The following AGBL4 variants were observed in gnomAD, a reference collection of about 807,000 sequenced individuals.
The protein encoded by AGBL4 is cytosolic carboxypeptidase 6.
AGBL4 carries 58 observed loss-of-function variants against 66.4 expected under a neutral mutation model. That is an observed-to-expected ratio of 0.87 (90% CI 0.71 to 1.09). AGBL4 has a LOEUF of 1.09. Among genes scored for constraint, AGBL4 ranks in the 50% least tolerant of loss-of-function variants. The pLI is 0.00. For missense variants in AGBL4, 579 were observed against 631.0 expected (o/e 0.92, Z 0.88); for synonymous variants, 234 against 222.9 (o/e 1.05, Z -0.44).
chr1:49,771,942 T>C (rs895678638), intron 2 of AGBL4, among the ~76,000 whole-genome samples: 6 of 152,072 alleles, frequency 3.9e-5, no homozygotes, highest in Non-Finnish European at 7.4e-5. Context: ...CTTTATGTCT[T>C]TTCACTGGAG....
intron 3 of AGBL4, among the ~76,000 whole-genome samples, chr1:49,563,336 C>G (rs555838596): frequency 1.3e-5 from 2 of 152,138 alleles, no homozygotes; most frequent in South Asian, 4.2e-4. Flanking sequence ...CCAGAACTTC[C>G]AACACTATGT....
chr1:49,259,167 G>C (rs1189638814), intron 3 of AGBL4, among the ~76,000 whole-genome samples: 2 of 152,008 alleles, frequency 1.3e-5, no homozygotes, highest in Non-Finnish European at 2.9e-5. Flanking sequence ...CACTAAACAA[G>C]GAAAGGAGCA....
chr1:49,712,186 A>T lies in AGBL4; in HGVS notation c.158-14749T>A, dbSNP rs1647723984. 2.0e-5 allele frequency among the ~76,000 whole-genome samples: 3 copies of T among 151,950 alleles called. No individual in the cohort carries two copies. The South Asian group carries it at 6.2e-4, about 31-fold the overall frequency. ...AATATTAAGGCAAAATATGATAAGG[A>T]TGGTTAGGAATATGGGCTCTGGTTC... On this transcript the variant is annotated intron_variant, in intron 2 of 13. Coordinates refer to ENST00000371839, the MANE Select transcript of AGBL4 (RefSeq NM_032785.4).
intron 6 of AGBL4, among the ~76,000 whole-genome samples, chr1:48,681,240 T>C (rs1646450062): frequency 6.6e-6 from 1 of 152,220 alleles, no homozygotes; most frequent in Non-Finnish European, 1.5e-5. Context: ...CTCAAGGATA[T>C]ATTGTATTTG....
At position 49,735,135 on chromosome 1, in the gene AGBL4, G is replaced by A. The variant is rs137948045; in HGVS notation, c.158-37698C>T. On this transcript the variant is annotated intron_variant, in intron 2 of 13. Transcript: ENST00000371839. Reference sequence around the variant, plus strand: ...AATAATCAGCCCCACAAAAGTCCACGTTCTAATCCCTGAAACTGGTGAATA... The same window carrying A: ...AATAATCAGCCCCACAAAAGTCCACATTCTAATCCCTGAAACTGGTGAATA... Among the ~76,000 whole-genome samples, 9 of 152,094 alleles carry A rather than the reference G, an allele frequency of 5.9e-5. No individual in the cohort carries two copies. The East Asian group carries it at 9.7e-4, about 16-fold the overall frequency.
chr1:49,449,446 T>C (rs1646229623), intron 3 of AGBL4, among the ~76,000 whole-genome samples: 1 of 152,044 alleles, frequency 6.6e-6, no homozygotes, highest in South Asian at 2.1e-4. Context: ...CTAGCTGAAA[T>C]TGGAACATGT....
At chr1:48,975,633 A>G (rs2148958417) in intron 5 of AGBL4, among the ~76,000 whole-genome samples, 1 of 152,278 alleles carries the variant, frequency 6.6e-6, no homozygotes, top group African/African-American at 2.4e-5. Context: ...CCAGGAAGCC[A>G]TAAGATTGAG....
At chr1:48,715,215 C>A (rs935403856) in intron 6 of AGBL4, among the ~76,000 whole-genome samples, 16 of 152,116 alleles carry the variant, frequency 1.1e-4, no homozygotes, top group Non-Finnish European at 1.8e-4. Context: ...GCCTGTAATG[C>A]CACCCCATAC....
At chr1:49,641,100 A>G (rs1232795136) in intron 3 of AGBL4, among the ~76,000 whole-genome samples, 1 of 152,110 alleles carries the variant, frequency 6.6e-6, no homozygotes, top group Non-Finnish European at 1.5e-5. Context: ...CATTACTTTT[A>G]CTTATTCCAT....
chr1:49,909,171 G>T (rs12023972), intron 1 of AGBL4, among the ~76,000 whole-genome samples: 4 of 151,882 alleles, frequency 2.6e-5, no homozygotes, highest in Admixed American at 2.0e-4. Flanking sequence ...TATGCCTTAT[G>T]GGTGTTATAA....
intron 1 of AGBL4, among the ~76,000 whole-genome samples, chr1:50,003,215 A>G (rs948155931): frequency 2.0e-5 from 3 of 152,254 alleles, no homozygotes; most frequent in African/African-American, 7.2e-5. Context: ...ACATGAAATA[A>G]GTATGTTTCA....
At chr1:49,884,379 A>T (rs1647781651) in intron 1 of AGBL4, among the ~76,000 whole-genome samples, 1 of 151,922 alleles carries the variant, frequency 6.6e-6, no homozygotes, top group Admixed American at 6.6e-5. Flanking sequence ...ATTAGTCATC[A>T]TCCTTATCAT....
intron 4 of AGBL4, among the ~76,000 whole-genome samples, chr1:49,175,497 G>A (rs190762525): frequency 3.3e-5 from 5 of 152,076 alleles, no homozygotes; most frequent in Admixed American, 2.6e-4. Context: ...TTGCTGAGGT[G>A]GGTGAAAATC....
chr1:49,518,116 T>C (rs1233138621), intron 3 of AGBL4, among the ~76,000 whole-genome samples: 2 of 152,080 alleles, frequency 1.3e-5, no homozygotes, highest in Non-Finnish European at 2.9e-5. Flanking sequence ...GCCAGACAAC[T>C]GAACAGATAA....
chr1:49,082,456 G>A (rs1415817998), intron 4 of AGBL4, among the ~76,000 whole-genome samples: 1 of 152,162 alleles, frequency 6.6e-6, no homozygotes, highest in Non-Finnish European at 1.5e-5. Context: ...GTGAAGAAGG[G>A]GCAAAGCCAC....
At chr1:48,964,496 T>G (rs967356457) in intron 5 of AGBL4, among the ~76,000 whole-genome samples, 17 of 152,206 alleles carry the variant, frequency 1.1e-4, no homozygotes, top group African/African-American at 3.9e-4. Flanking sequence ...GCCAATGATA[T>G]AAAGGGCCCT....
chr1:49,059,734 G>A (rs958919236), intron 4 of AGBL4, among the ~76,000 whole-genome samples: 12 of 152,198 alleles, frequency 7.9e-5, no homozygotes, highest in Non-Finnish European at 5.9e-5. Context: ...CCCACCTCTT[G>A]TATCAGCATG....
At chr1:48,633,446 A>G (rs1049751449) in intron 9 of AGBL4, among the ~76,000 whole-genome samples, 3 of 152,178 alleles carry the variant, frequency 2.0e-5, no homozygotes, top group Non-Finnish European at 4.4e-5. Context: ...GACAGCAGTC[A>G]TGGGTCATAA....
intron 3 of AGBL4, among the ~76,000 whole-genome samples, chr1:49,429,463 C>T (rs1645735604): frequency 6.6e-6 from 1 of 152,096 alleles, no homozygotes; most frequent in Non-Finnish European, 1.5e-5. Flanking sequence ...ATTTTCTATG[C>T]TATAATATAA....
Sources: gnomAD v4.1 joint callset for allele counts (sites outside exome capture counted in the v4.1 genomes callset) on GRCh38, gnomAD v4.1.1 for gene constraint, MANE v1.5 for transcripts, NCBI Gene and HGNC (gene_info 2026-07-23, HGNC 2026-07-21) for gene names.